TGFBR1: variants seen among roughly 807,000 people sequenced by gnomAD.
TGFBR1 encodes transforming growth factor beta receptor 1.
A neutral mutation model predicts 55.1 loss-of-function variants in TGFBR1; 20 were observed. The observed-to-expected ratio is 0.36, with a 90% CI of 0.26 to 0.53. The LOEUF is 0.53. TGFBR1 is among the 20% of genes least tolerant of loss of function. The pLI, the probability that TGFBR1 is intolerant of heterozygous loss-of-function variation, is 0.91. For missense variants in TGFBR1, 385 were observed against 617.6 expected (o/e 0.62, Z 3.99); for synonymous variants, 220 against 214.8 (o/e 1.02, Z -0.21).
chr9:99,133,330 CT>C (rs1312602147), intron 3 of TGFBR1, among the ~76,000 whole-genome samples: 2 of 152,160 alleles, frequency 1.3e-5, no homozygotes, highest in Non-Finnish European at 2.9e-5. Context: ...GTTTTGGCCC[CT>C]AATGACGTTT....
intron 1 of TGFBR1, among the ~76,000 whole-genome samples, chr9:99,125,955 T>C (rs183107203): frequency 7.0e-4 from 107 of 152,264 alleles, no homozygotes; most frequent in African/African-American, 2.5e-3. Flanking sequence ...AAAGACCCTT[T>C]AACAGCAAGC....
intron 2 of TGFBR1, among the ~76,000 whole-genome samples, chr9:99,130,979 A>G (rs2118602690): frequency 6.6e-6 from 1 of 152,350 alleles, no homozygotes; most frequent in Non-Finnish European, 1.5e-5. Context: ...CAATTCAGAG[A>G]AAAGACAGTT....
At position 99,145,977 on chromosome 9, in the gene TGFBR1, TC is replaced by T. The variant is rs549825581; in HGVS notation, c.1131-507del. The T allele has an allele frequency of 2.0e-3, 383 of 192,988 alleles. 2 individuals carry two copies. Among genetic ancestry groups the T allele is most frequent in the Non-Finnish European group, 2.8e-3 (267 of 93,740 alleles). The allele number at this position is 192,988 out of a possible 1,614,324, so 12.0% of individuals were successfully genotyped here. On this transcript the variant is annotated intron_variant, in intron 6 of 8. Coordinates refer to ENST00000374994, the MANE Select transcript of TGFBR1 (RefSeq NM_004612.4). ...GGTATGGCCGTAGATGACTCTCAAT[TC>T]TCAACCAGCTAAGGGGTCCTTGTCA...
At chr9:99,142,727 A>G (rs201118501) in intron 5 of TGFBR1, 24 bp downstream of exon 5, 1 of 1,613,068 alleles carries the variant, frequency 6.2e-7, no homozygotes, top group East Asian at 2.2e-5. Context: ...CAGTTCTATT[A>G]TTTAAGCTTT....
chr9:99,128,654 G>A, intron 1 of TGFBR1: 1 of 741,882 alleles, frequency 1.3e-6, no homozygotes, highest in South Asian at 1.5e-5. Flanking sequence ...ACATTTCCTT[G>A]GGCTTCCACG....
chr9:99,134,497 A>T (rs1827358028), intron 3 of TGFBR1, among the ~76,000 whole-genome samples: 1 of 152,138 alleles, frequency 6.6e-6, no homozygotes, highest in Non-Finnish European at 1.5e-5. Flanking sequence ...CTCAGTTCAG[A>T]TCTTCAAAAA....
chr9:99,109,561 T>C (rs151319796), intron 1 of TGFBR1, among the ~76,000 whole-genome samples: 57 of 152,326 alleles, frequency 3.7e-4, no homozygotes, highest in Non-Finnish European at 4.1e-4. Flanking sequence ...GCACCAAATA[T>C]GTTCATGTGT....
rs767785290 is a variant in TGFBR1 at position 99,132,644 on chromosome 9, A to G, written c.479A>G (p.Asn160Ser). Residue 160 changes from asparagine to serine, a missense_variant, in exon 3 of 9, where the codon AAT (asparagine) becomes AGT (serine). Asn to Ser is a conservative substitution (Grantham distance 46). Transcript: ENST00000374994. ...NRTVIHHRVP[N>S]EEDPSLDRPF... ...ACTGTCATTCACCATCGAGTGCCAA[A>G]TGAAGAGGACCCTTCATTAGATCGC... 4 of 1,614,162 alleles carry G rather than the reference A, an allele frequency of 2.5e-6. No individual in the cohort carries two copies. Among genetic ancestry groups the G allele is most frequent in the East Asian group, 2.2e-5 (1 of 44,890 alleles).
Position 99,132,642 on chromosome 9 carries a change from A to G in TGFBR1, c.477A>G (p.Pro159=). The change falls in exon 3 of 9, where the codon CCA becomes CCG. Residue 159 remains proline (P), a synonymous_variant. Transcript: ENST00000374994. The part of the protein sequence containing the change: ...HNRTVIHHRV[P]NEEDPSLDRP... ...GCACTGTCATTCACCATCGAGTGCC[A>G]AATGAAGAGGACCCTTCATTAGATC... is the stretch of plus-strand genomic sequence containing the variant. The G allele has an allele frequency of 6.2e-7, 1 of 1,614,142 alleles. No homozygotes were observed. Among genetic ancestry groups the G allele is most frequent in the Non-Finnish European group, 8.5e-7 (1 of 1,180,006 alleles).
intron 3 of TGFBR1, among the ~76,000 whole-genome samples, chr9:99,133,536 A>G (rs1827316658): frequency 6.6e-6 from 1 of 152,160 alleles, no homozygotes; most frequent in South Asian, 2.1e-4. Flanking sequence ...TGTTTTTAGA[A>G]TTTGACACTT....
At chr9:99,115,960 A>G (rs1438094594) in intron 1 of TGFBR1, among the ~76,000 whole-genome samples, 2 of 152,200 alleles carry the variant, frequency 1.3e-5, no homozygotes, top group Admixed American at 6.5e-5. Flanking sequence ...TGCCAGTCCC[A>G]CCAAAGCGTT....
intron 1 of TGFBR1, among the ~76,000 whole-genome samples, chr9:99,126,750 C>T (rs1827053470): frequency 6.6e-6 from 1 of 152,190 alleles, no homozygotes; most frequent in Admixed American, 6.5e-5. Flanking sequence ...CAGCCATCAC[C>T]ATCACACCTT....
chr9:99,114,206 C>T (rs1826664104), intron 1 of TGFBR1, among the ~76,000 whole-genome samples: 1 of 151,986 alleles, frequency 6.6e-6, no homozygotes, highest in Admixed American at 6.6e-5. Flanking sequence ...TTCAGTAAGA[C>T]CAAATCTACT....
In TGFBR1 at chr9:99,128,882, C is replaced by A. The variant is rs1345066131; in HGVS notation, c.125C>A (p.Thr42Lys). The A allele has an allele frequency of 6.2e-7, 1 of 1,613,724 alleles. No homozygotes were observed. The highest frequency in any genetic ancestry group is 2.2e-5 in the East Asian group (1 of 44,886). Reference protein sequence around the residue: ...TALQCFCHLCTKDNFTCVTDG... With the variant: ...TALQCFCHLCKKDNFTCVTDG... The stretch of plus-strand genomic sequence containing the variant: ...TTACAGTGTTTCTGCCACCTCTGTA[C>A]AAAAGACAATTTTACTTGTGTGACA... Residue 42 changes from threonine to lysine, a missense_variant, in exon 2 of 9, where the codon ACA becomes AAA. This residue lies in a region of TGFBR1 where 7 missense variants were observed against 26.8 expected (regional missense o/e 0.26). Coordinates refer to ENST00000374994, the MANE Select transcript of TGFBR1 (RefSeq NM_004612.4).
chr9:99,106,099 C>T (rs181842474), intron 1 of TGFBR1, among the ~76,000 whole-genome samples: 3 of 152,360 alleles, frequency 2.0e-5, no homozygotes, highest in Admixed American at 2.0e-4. Context: ...GCTCATTCTG[C>T]GGGTTTTGGA....
At chr9:99,111,591 T>A (rs546948212) in intron 1 of TGFBR1, among the ~76,000 whole-genome samples, 1 of 152,158 alleles carries the variant, frequency 6.6e-6, no homozygotes, top group East Asian at 1.9e-4. Flanking sequence ...ATTGCGCCAC[T>A]GCACTCCAGC....
chr9:99,126,535 TAGG>T (rs983220048), intron 1 of TGFBR1, among the ~76,000 whole-genome samples: 1 of 152,226 alleles, frequency 6.6e-6, no homozygotes, highest in African/African-American at 2.4e-5. Context: ...AAAGAGGATT[TAGG>T]AGAGAATTAT....
intron 1 of TGFBR1, among the ~76,000 whole-genome samples, chr9:99,112,485 G>A (rs905714747): frequency 1.3e-5 from 2 of 152,138 alleles, no homozygotes; most frequent in Admixed American, 6.5e-5. Context: ...CTTATCATAT[G>A]TACTTATTTA....
Position 99,132,989 on chromosome 9 carries a change from G to C in TGFBR1, c.574+250G>C, listed in dbSNP as rs11466462. Among the ~76,000 whole-genome samples the C allele has an allele frequency of 6.3e-3, 956 of 152,282 alleles. 9 individuals carry two copies. The highest frequency in any genetic ancestry group is 0.022 in the African/African-American group (914 of 41,550). ...GCTCCATGGTGGTATAAATTTCAAA[G>C]CGTTCTCACTTGTATAATCTAATTT... is the stretch of plus-strand genomic sequence containing the variant. On this transcript the variant is annotated intron_variant, in intron 3 of 8. Transcript: ENST00000374994.
Sources: gnomAD v4.1 joint callset for allele counts (sites outside exome capture counted in the v4.1 genomes callset) on GRCh38, gnomAD v4.1.1 for gene constraint, gnomAD v4.1.1 regional missense constraint, MANE v1.5 for transcripts, NCBI Gene and HGNC (gene_info 2026-07-23, HGNC 2026-07-21) for gene names.